The following LEO1 variants were observed in gnomAD, a reference collection of about 807,000 sequenced individuals.
LEO1 encodes RNA polymerase-associated protein LEO1.
A neutral mutation model predicts 80.4 loss-of-function variants in LEO1; 34 were observed. The ratio of observed to expected loss-of-function variants is 0.42; its 90% CI spans 0.32 to 0.56. LEO1 has a LOEUF of 0.56. LEO1 is among the 20% of genes least tolerant of loss of function. The probability of loss-of-function intolerance (pLI) is 0.10; values close to 1 mark genes in which losing one functional copy is unlikely to be tolerated. For missense variants in LEO1, 631 were observed against 814.2 expected, an observed-to-expected ratio of 0.77 and a Z score of 2.74; for synonymous variants, 262 against 274.9, an observed-to-expected ratio of 0.95 and a Z score of 0.46.
chr15:51,954,782 A>G lies in LEO1; in HGVS notation c.1246-207T>C, dbSNP rs1005566199. 3.7e-5 allele frequency: 20 copies of G among 536,842 alleles called. No individual in the cohort carries two copies. The South Asian group carries it at 4.3e-4, about 11-fold the overall frequency. The allele number at this position is 536,842 out of a possible 1,614,324, so 33.3% of individuals were successfully genotyped here. ...GCAGGGAAAAAAATATGCTTAAGTG[A>G]ATTTCTGAGCTCCTAGAATCATAAT... On this transcript the variant is annotated intron_variant, in intron 6 of 11. Transcript: ENST00000299601.
Position 51,950,029 on chromosome 15 carries a change from A to G in LEO1, c.1612-35T>C, listed in dbSNP as rs749548163. 4.9e-4 allele frequency: 769 copies of G among 1,564,096 alleles called. 1 individual carries two copies. The highest frequency in any genetic ancestry group is 6.2e-4 in the Non-Finnish European group (722 of 1,156,386). ...AGCAAATAACCTCTTTAACCTAAAA[A>G]GGAGCTACTTTTGTGCCCACTTGAA... On this transcript the variant is annotated intron_variant, in intron 9 of 11. Transcript: ENST00000299601.
At chr15:51,938,507 G>A (rs149352220) in intron 11 of LEO1, among the ~76,000 whole-genome samples, 6 of 152,332 alleles carry the variant, frequency 3.9e-5, no homozygotes, top group African/African-American at 9.6e-5. Context: ...GGGCTCTCCC[G>A]AGGAAGTTCT....
Position 51,961,181 on chromosome 15 carries a change from G to A in LEO1, c.920-448C>T, listed in dbSNP as rs557022942. The stretch of plus-strand genomic sequence containing the variant: ...GTGGATCACTTAAGGTCAGGAGTTT[G>A]ACACCAGCCTGACCAACATGGTGAA... On this transcript the variant is annotated intron_variant, in intron 3 of 11. Transcript: ENST00000299601. Among the ~76,000 whole-genome samples the A allele has an allele frequency of 5.9e-5, 9 of 152,254 alleles. No homozygotes were observed. The East Asian group carries it at 1.7e-3, about 29-fold the overall frequency.
intron 5 of LEO1, 47 bp from the exon 6 acceptor site, chr15:51,958,873 A>C: frequency 2.1e-6 from 2 of 969,790 alleles, no homozygotes; most frequent in South Asian, 1.5e-5. Flanking sequence ...TTTATAAAGA[A>C]TATTACTGCT....
At chr15:51,962,362 T>A (rs778722693) in intron 3 of LEO1, 27 bp downstream of exon 3, 4 of 1,391,074 alleles carry the variant, frequency 2.9e-6, no homozygotes, top group South Asian at 2.5e-5. Context: ...TATGGAAATA[T>A]ACATATATAT....
chr15:51,947,116 C>T (rs777624805), intron 11 of LEO1, 176 bp downstream of exon 11: 210 of 618,386 alleles, frequency 3.4e-4, no homozygotes, highest in Non-Finnish European at 4.5e-4. Context: ...TCTCTAAGCA[C>T]AGGTATCAGA....
intron 10 of LEO1, among the ~76,000 whole-genome samples, chr15:51,948,548 GA>G (rs1210372588): frequency 6.6e-6 from 1 of 152,146 alleles, no homozygotes; most frequent in Non-Finnish European, 1.5e-5. Flanking sequence ...AGTTTCATGG[GA>G]CAGTCAGAGA....
Position 51,950,179 on chromosome 15 carries a change from C to T in LEO1, c.1612-185G>A, listed in dbSNP as rs184231024. Among the ~76,000 whole-genome samples the T allele has an allele frequency of 1.4e-3, 206 of 152,304 alleles. 7 individuals are homozygous for T. Among genetic ancestry groups the T allele is most frequent in the East Asian group, 9.6e-3 (50 of 5,192 alleles). On this transcript the variant is annotated intron_variant, in intron 9 of 11. Transcript: ENST00000299601. ...GTTTGGTTTGCAGGAGCAAAGGCAA[C>T]ACAAGGGTAAAGCGGCAGAAGGGAG...
chr15:51,958,621 G>T, intron 6 of LEO1, 121 bp downstream of exon 6: 1 of 646,354 alleles, frequency 1.5e-6, no homozygotes, highest in East Asian at 2.8e-5. Flanking sequence ...GCAATCAAAA[G>T]AACACAGCCA....
chr15:51,961,234 C>A (rs2470602), intron 3 of LEO1, among the ~76,000 whole-genome samples: 1 of 151,968 alleles, frequency 6.6e-6, no homozygotes, highest in East Asian at 1.9e-4. Flanking sequence ...AATACAAAAA[C>A]TAGCTGGGCT....
At chr15:51,969,215 C>A (rs1395147672) in intron 1 of LEO1, among the ~76,000 whole-genome samples, 5 of 151,924 alleles carry the variant, frequency 3.3e-5, no homozygotes, top group Non-Finnish European at 7.4e-5. Flanking sequence ...CACCTCAGCC[C>A]CCTAAAGTGC....
At chr15:51,958,318 GTGGC>G (rs1184362955) in intron 6 of LEO1, among the ~76,000 whole-genome samples, 1 of 151,972 alleles carries the variant, frequency 6.6e-6, no homozygotes, top group African/African-American at 2.4e-5. Flanking sequence ...GCTGGGCATG[GTGGC>G]ATGTTTTCTG....
chr15:51,943,089 T>G (rs963823112), intron 11 of LEO1, among the ~76,000 whole-genome samples: 15 of 150,810 alleles, frequency 9.9e-5, no homozygotes, highest in African/African-American at 3.7e-4. Flanking sequence ...CCTCTGTGTA[T>G]AAAAAATAGA....
chr15:51,940,268 A>AG (rs1222453408), intron 11 of LEO1, among the ~76,000 whole-genome samples: 1 of 131,154 alleles, frequency 7.6e-6, no homozygotes, highest in East Asian at 2.3e-4. Context: ...AAAAAAAAAA[A>AG]AAAAAAAAAA....
intron 7 of LEO1, among the ~76,000 whole-genome samples, chr15:51,953,735 A>G (rs2056966759): frequency 6.6e-6 from 1 of 152,166 alleles, no homozygotes; most frequent in Non-Finnish European, 1.5e-5. Flanking sequence ...ATGGACTACA[A>G]AGAACTAACA....
rs759246927 is a variant in LEO1 at position 51,971,733 on chromosome 15, C to T, written c.13G>A (p.Glu5Lys). The change falls in exon 1 of 12, where the codon GAG becomes AAG. Residue 5 changes from glutamate (E) to lysine (K), a missense_variant. This residue lies in a region of LEO1 where 394 missense variants were observed against 395.6 expected (regional missense o/e 1.00). Coordinates refer to ENST00000299601, the MANE Select transcript of LEO1 (RefSeq NM_138792.4). ...TCGGCGTCGCTCCCGAAGAGATCCT[C>T]CATATCCGCCATTATCGCTCACGTC... MADM[E>K]DLFGSDADSE... The T allele has an allele frequency of 2.5e-6, 4 of 1,614,098 alleles. No homozygotes were observed. The highest frequency in any genetic ancestry group is 1.3e-5 in the African/African-American group (1 of 74,954).
chr15:51,969,068 G>A (rs1261226162), intron 1 of LEO1, among the ~76,000 whole-genome samples: 1 of 151,910 alleles, frequency 6.6e-6, no homozygotes, highest in Non-Finnish European at 1.5e-5. Flanking sequence ...TCCCTCAAGC[G>A]ATTCTCCTAC....
chr15:51,971,343 T>C (rs919707982), intron 1 of LEO1, among the ~76,000 whole-genome samples: 1 of 152,208 alleles, frequency 6.6e-6, no homozygotes. Flanking sequence ...AAACAGCCCT[T>C]ACTCTACGCT....
intron 7 of LEO1, 38 bp downstream of exon 7, chr15:51,954,443 C>T: frequency 8.1e-7 from 1 of 1,239,958 alleles, no homozygotes. Flanking sequence ...CTGACCCGTT[C>T]TGGGTATGTC....
Sources: gnomAD v4.1 joint callset for allele counts (sites outside exome capture counted in the v4.1 genomes callset) on GRCh38, gnomAD v4.1.1 for gene constraint, gnomAD v4.1.1 regional missense constraint, MANE v1.5 for transcripts, NCBI Gene and HGNC (gene_info 2026-07-23, HGNC 2026-07-21) for gene names.